TMEM132C: variants seen among roughly 807,000 people sequenced by gnomAD.
TMEM132C encodes the protein protein phosphatase 1, regulatory subunit 152.
Under a neutral mutation model 61.4 loss-of-function variants are expected in TMEM132C, and 29 were observed. The ratio of observed to expected loss-of-function variants is 0.47; its 90% CI spans 0.35 to 0.64. The LOEUF (loss-of-function observed/expected upper bound fraction) is 0.64, where lower values mean the gene tolerates loss of function less well. Among genes scored for constraint, TMEM132C ranks in the 30% least tolerant of loss-of-function variants. TMEM132C has a pLI of 0.00. For missense variants in TMEM132C, 1,408 were observed against 1,476.9 expected (o/e 0.95, Z 0.76); for synonymous variants, 656 against 633.1 (o/e 1.04, Z -0.54).
At chr12:128,619,599 G>C (rs953707376) in intron 4 of TMEM132C, among the ~76,000 whole-genome samples, 1 of 152,206 alleles carries the variant, frequency 6.6e-6, no homozygotes, top group African/African-American at 2.4e-5. Context: ...GGGCAGGAAA[G>C]CTCCAAGTCT....
intron 4 of TMEM132C, among the ~76,000 whole-genome samples, chr12:128,632,688 G>A (rs576026884): frequency 3.9e-5 from 6 of 152,318 alleles, no homozygotes; most frequent in East Asian, 3.9e-4. Context: ...TTTGCACCTC[G>A]ACCATGTGTG....
chr12:128,402,545 G>T (rs567648866), intron 1 of TMEM132C, among the ~76,000 whole-genome samples: 1 of 152,164 alleles, frequency 6.6e-6, no homozygotes, highest in Non-Finnish European at 1.5e-5. Flanking sequence ...TTCCAGCAGC[G>T]TAGGAAACTG....
intron 1 of TMEM132C, among the ~76,000 whole-genome samples, chr12:128,306,097 T>C: frequency 6.6e-6 from 1 of 152,212 alleles, no homozygotes; most frequent in Admixed American, 6.5e-5. Flanking sequence ...CAAATAGGTA[T>C]GCAGATTTTT....
intron 3 of TMEM132C, among the ~76,000 whole-genome samples, chr12:128,561,232 A>G (rs1039600289): frequency 2.0e-5 from 3 of 152,238 alleles, no homozygotes; most frequent in Admixed American, 2.0e-4. Flanking sequence ...TTTTGTTAAG[A>G]TGTCATTCCA....
intron 2 of TMEM132C, among the ~76,000 whole-genome samples, chr12:128,479,777 C>T (rs949430765): frequency 6.6e-6 from 1 of 152,206 alleles, no homozygotes; most frequent in Non-Finnish European, 1.5e-5. Flanking sequence ...AACGTCTTAA[C>T]TTCCCTGAGC....
chr12:128,490,929 C>G (rs1268418547), intron 2 of TMEM132C, among the ~76,000 whole-genome samples: 1 of 152,172 alleles, frequency 6.6e-6, no homozygotes, highest in East Asian at 1.9e-4. Flanking sequence ...ATTGCCTTAT[C>G]TCATTTAATT....
chr12:128,356,931 G>A, intron 1 of TMEM132C, among the ~76,000 whole-genome samples: 1 of 151,974 alleles, frequency 6.6e-6, no homozygotes, highest in East Asian at 1.9e-4. Flanking sequence ...GATAAATATG[G>A]GAGACGAAAA....
chr12:128,660,569 C>T (rs571840029), intron 4 of TMEM132C, among the ~76,000 whole-genome samples: 1 of 152,330 alleles, frequency 6.6e-6, no homozygotes, highest in East Asian at 1.9e-4. Context: ...CTATGGGCTT[C>T]CCACTTGTTG....
chr12:128,559,680 C>T (rs752504788), intron 3 of TMEM132C, among the ~76,000 whole-genome samples: 1 of 152,110 alleles, frequency 6.6e-6, no homozygotes, highest in Non-Finnish European at 1.5e-5. Flanking sequence ...CCGTGGAAAT[C>T]GTGCTATGGA....
At chr12:128,269,744 A>G (rs1870448756) in intron 1 of TMEM132C, among the ~76,000 whole-genome samples, 2 of 152,002 alleles carry the variant, frequency 1.3e-5, no homozygotes, top group Admixed American at 6.6e-5. Context: ...GGATTCCTCC[A>G]CACGTAAAGC....
chr12:128,550,618 G>A lies in TMEM132C; in HGVS notation c.1121+6515G>A, dbSNP rs191469630. 9.9e-5 allele frequency among the ~76,000 whole-genome samples: 15 copies of A among 152,254 alleles called. No homozygotes were observed. In the East Asian group the frequency reaches 2.3e-3, roughly 24 times the overall value. ...CTGAACTTGGCTTCTTCATCTTCCC[G>A]TAAGGACACCAGTCCTGTGGGATTA... On this transcript the variant is annotated intron_variant, in intron 3 of 8. Coordinates refer to ENST00000435159, the MANE Select transcript of TMEM132C (RefSeq NM_001136103.3).
intron 2 of TMEM132C, among the ~76,000 whole-genome samples, chr12:128,511,659 T>A (rs576419806): frequency 1.1e-4 from 16 of 152,206 alleles, no homozygotes; most frequent in Admixed American, 3.3e-4. Context: ...ACCTGAACCT[T>A]GGGGTCCTGT....
intron 2 of TMEM132C, among the ~76,000 whole-genome samples, chr12:128,480,773 C>T (rs1048158366): frequency 7.2e-5 from 11 of 152,170 alleles, no homozygotes; most frequent in Admixed American, 6.5e-4. Context: ...GAGGGGGACA[C>T]AGAGCACTGG....
intron 3 of TMEM132C, among the ~76,000 whole-genome samples, chr12:128,583,828 A>T (rs529166696): frequency 6.6e-6 from 1 of 152,220 alleles, no homozygotes; most frequent in Non-Finnish European, 1.5e-5. Flanking sequence ...CAGAAAGAGC[A>T]GCATTCAAAC....
At position 128,267,200 on chromosome 12, in the gene TMEM132C, C is replaced by T. The variant is rs1289114929; in HGVS notation, c.-203C>T. Among the ~76,000 whole-genome samples the T allele has an allele frequency of 1.4e-5, 2 of 146,566 alleles. No individual in the cohort carries two copies. Among genetic ancestry groups the T allele is most frequent in the African/African-American group, 4.9e-5 (2 of 40,634 alleles). On this transcript the variant is annotated 5_prime_UTR_variant, in exon 1 of 9. Transcript: ENST00000435159. ...GTTGTCCCGGCCGGAGCGCGAGCAG[C>T]GGCGGAGCCGGAGCCGCCAGAGCCA...
intron 1 of TMEM132C, among the ~76,000 whole-genome samples, chr12:128,336,368 C>T (rs749187789): frequency 1.3e-4 from 20 of 152,212 alleles, no homozygotes; most frequent in South Asian, 4.1e-4. Context: ...GCAATCTGTA[C>T]TCTGGGAGGG....
intron 3 of TMEM132C, among the ~76,000 whole-genome samples, chr12:128,569,895 T>A (rs1025448971): frequency 3.3e-5 from 5 of 152,160 alleles, no homozygotes; most frequent in African/African-American, 1.2e-4. Flanking sequence ...AAGAAGAAAT[T>A]AAATAAAATA....
At chr12:128,606,750 C>T (rs1032156773) in intron 3 of TMEM132C, among the ~76,000 whole-genome samples, 4 of 152,168 alleles carry the variant, frequency 2.6e-5, no homozygotes, top group Non-Finnish European at 4.4e-5. Flanking sequence ...GATGGACACA[C>T]CTCTCTGCCT....
chr12:128,446,765 TA>T (rs1235063074), intron 2 of TMEM132C, among the ~76,000 whole-genome samples: 11 of 152,164 alleles, frequency 7.2e-5, no homozygotes, highest in African/African-American at 2.7e-4. Flanking sequence ...ATTCAGTCAT[TA>T]CTGAAGCAGC....
Sources: gnomAD v4.1 joint callset for allele counts (sites outside exome capture counted in the v4.1 genomes callset) on GRCh38, gnomAD v4.1.1 for gene constraint, MANE v1.5 for transcripts, NCBI Gene and HGNC (gene_info 2026-07-23, HGNC 2026-07-21) for gene names.